The following NTAQ1 variants were observed in gnomAD, a reference collection of about 807,000 sequenced individuals.
NTAQ1 encodes the protein N-terminal glutamine amidase 1.
NTAQ1 carries 21 observed loss-of-function variants against 28.2 expected under a neutral mutation model. That is an observed-to-expected ratio of 0.74 (90% CI 0.53 to 1.07). The LOEUF (loss-of-function observed/expected upper bound fraction) is 1.07. Ranked by LOEUF, NTAQ1 falls within the 50% of genes least tolerant of loss-of-function variation. The pLI, the probability that NTAQ1 is intolerant of heterozygous loss-of-function variation, is 0.00. For missense variants in NTAQ1, 264 were observed against 256.6 expected (o/e 1.03, Z -0.20); for synonymous variants, 105 against 90.0 (o/e 1.17, Z -0.94).
At chr8:123,472,120 C>T (rs1448563810), downstream of NTAQ1, among the ~76,000 whole-genome samples, 3 of 152,168 alleles carry the variant, frequency 2.0e-5, no homozygotes, top group Non-Finnish European at 2.9e-5. Context: ...TTTAGGGTTG[C>T]TGGCAGCTGG....
intron 6 of NTAQ1, among the ~76,000 whole-genome samples, chr8:123,463,879 A>G (rs764007662): frequency 1.3e-5 from 2 of 152,000 alleles, no homozygotes; most frequent in African/African-American, 2.4e-5. Flanking sequence ...CATAATTCCT[A>G]CTTGTCGTGG....
intron 6 of NTAQ1, among the ~76,000 whole-genome samples, chr8:123,460,420 G>A (rs764931676): frequency 6.6e-6 from 1 of 152,194 alleles, no homozygotes; most frequent in Non-Finnish European, 1.5e-5. Context: ...CCATAAAGTG[G>A]AGATTCAGTC....
intron 6 of NTAQ1, among the ~76,000 whole-genome samples, chr8:123,462,325 G>A (rs1033041585): frequency 3.3e-5 from 5 of 152,184 alleles, no homozygotes; most frequent in Non-Finnish European, 5.9e-5. Context: ...TGGGATTACA[G>A]GCATGAGCCA....
chr8:123,460,245 T>C (rs1412078403), intron 6 of NTAQ1, among the ~76,000 whole-genome samples: 2 of 152,246 alleles, frequency 1.3e-5, no homozygotes, highest in African/African-American at 4.8e-5. Flanking sequence ...AAACTACTTA[T>C]TGGGCATGAA....
chr8:123,473,022 G>A (rs540583761), downstream of NTAQ1, among the ~76,000 whole-genome samples: 5 of 152,268 alleles, frequency 3.3e-5, no homozygotes, highest in East Asian at 5.8e-4. Context: ...AACTGTTGGG[G>A]TGAGGGGATG....
intron 6 of NTAQ1, among the ~76,000 whole-genome samples, chr8:123,457,741 AG>A (rs1367941154): frequency 2.0e-5 from 3 of 152,086 alleles, no homozygotes; most frequent in Non-Finnish European, 4.4e-5. Context: ...TTACTTATTA[AG>A]GGTAGAATTG....
rs71310676 is a variant in NTAQ1, at chr8:123,420,590, C to CTTTTTT, written c.83+3672_83+3677dup. 5.0e-3 allele frequency among the ~76,000 whole-genome samples: 512 copies of CTTTTTT among 101,978 alleles called. 20 individuals are homozygous for CTTTTTT. The highest frequency in any genetic ancestry group is 8.2e-3 in the African/African-American group (220 of 26,930). The allele number at this position is 101,978 out of a possible 152,430, so 66.9% of individuals were successfully genotyped here. On this transcript the variant is annotated intron_variant, in intron 1 of 5. Transcript: ENST00000287387. ...CTTGCCAGCGTCTGTTATTTTTTGC[C>CTTTTTT]TTTTTTTTTTTTTTTTTTTGAGACA...
chr8:123,449,901 A>C (rs1418598102), downstream of NTAQ1, among the ~76,000 whole-genome samples: 4 of 70,742 alleles, frequency 5.7e-5, no homozygotes, highest in African/African-American at 2.3e-4. Flanking sequence ...CTATCTCTCC[A>C]TATGTATATA....
At chr8:123,456,083 C>G (rs1316604713) in intron 6 of NTAQ1, among the ~76,000 whole-genome samples, 1 of 152,128 alleles carries the variant, frequency 6.6e-6, no homozygotes, top group African/African-American at 2.4e-5. Flanking sequence ...TGACAGGGCT[C>G]AAGTTAGTGG....
At chr8:123,439,638 G>A (rs1000771317) in intron 5 of NTAQ1, among the ~76,000 whole-genome samples, 6 of 151,906 alleles carry the variant, frequency 3.9e-5, no homozygotes, top group Admixed American at 1.3e-4. Context: ...GAGCCACCGC[G>A]CCGGCCACAC....
rs1406285041 is a variant in NTAQ1, at chr8:123,436,510, C to T, written c.292C>T (p.Leu98Phe). 1.9e-6 allele frequency: 3 copies of T among 1,613,826 alleles called. No individual in the cohort carries two copies. The highest frequency in any genetic ancestry group is 1.7e-6 in the Non-Finnish European group (2 of 1,179,908). The change falls in exon 4 of 6, where the codon CTC becomes TTC. Residue 98 changes from leucine (L) to phenylalanine (F), a missense_variant. Coordinates refer to ENST00000287387, the MANE Select transcript of NTAQ1 (RefSeq NM_018024.3). ...SSGGQNFIYD[L>F]DTVLPFPCLF... ...TGGAGGACAGAACTTCATTTATGAT[C>T]TCGATACTGTCTTGCCATTTCCCTG...
intron 6 of NTAQ1, among the ~76,000 whole-genome samples, chr8:123,464,522 GC>G: frequency 6.6e-6 from 1 of 152,204 alleles, no homozygotes; most frequent in Middle Eastern, 3.2e-3. Context: ...GCCAGGCTGT[GC>G]CTCCACTCTC....
intron 1 of NTAQ1, among the ~76,000 whole-genome samples, chr8:123,418,209 G>C (rs1813427551): frequency 6.6e-6 from 1 of 152,190 alleles, no homozygotes; most frequent in Admixed American, 6.5e-5. Context: ...CCAGCACTTT[G>C]GGAGGCCGAG....
At chr8:123,437,839 T>C (rs1482708637) in intron 5 of NTAQ1, among the ~76,000 whole-genome samples, 2 of 151,944 alleles carry the variant, frequency 1.3e-5, no homozygotes, top group African/African-American at 4.8e-5. Flanking sequence ...CATAAGAACA[T>C]GTGGGAGAGG....
At chr8:123,421,694 C>A (rs1291153334) in intron 1 of NTAQ1, among the ~76,000 whole-genome samples, 1 of 135,856 alleles carries the variant, frequency 7.4e-6, no homozygotes, top group Non-Finnish European at 1.6e-5. Flanking sequence ...TTTTTCTTTT[C>A]TTTTTTTTTT....
chr8:123,446,339 A>G (rs1179372080), downstream of NTAQ1, among the ~76,000 whole-genome samples: 1 of 152,166 alleles, frequency 6.6e-6, no homozygotes, highest in Non-Finnish European at 1.5e-5. Flanking sequence ...GGAGTTGGCA[A>G]ATGTTTTCTG....
At chr8:123,439,379 G>A (rs1236483134) in intron 5 of NTAQ1, among the ~76,000 whole-genome samples, 2 of 144,436 alleles carry the variant, frequency 1.4e-5, no homozygotes, top group Non-Finnish European at 3.0e-5. Context: ...GTCTCACTCT[G>A]TCACCCACGC....
chr8:123,451,852 C>T (rs1815505897), downstream of NTAQ1, among the ~76,000 whole-genome samples: 1 of 152,216 alleles, frequency 6.6e-6, no homozygotes, highest in African/African-American at 2.4e-5. Context: ...TAGAAAACTG[C>T]TGCTAAAGTC....
rs923624653 is a variant in NTAQ1, at chr8:123,416,815, T to C, written c.-35T>C. ...TTCCTACGTCTGGTCCAGTCGGTCT[T>C]CCTCCGGCCCGGGCCCTGGCCCAGC... On this transcript the variant is annotated 5_prime_UTR_variant, in exon 1 of 6. Transcript: ENST00000287387. 2.6e-6 allele frequency: 4 copies of C among 1,516,594 alleles called. No homozygotes were observed. The highest frequency in any genetic ancestry group is 2.1e-5 in the Admixed American group (1 of 47,912). The allele number at this position is 1,516,594 out of a possible 1,614,324, so 93.9% of individuals were successfully genotyped here.
Sources: allele counts gnomAD v4.1 joint callset (sites outside exome capture counted in the v4.1 genomes callset), GRCh38; gene constraint gnomAD v4.1.1; transcripts MANE v1.5; gene names NCBI Gene and HGNC (gene_info 2026-07-23, HGNC 2026-07-21).